SLC45A1: variants seen among roughly 807,000 people sequenced by gnomAD.
SLC45A1 encodes solute carrier family 45 member 1, also known as proton-associated sugar transporter A.
SLC45A1 carries 28 observed loss-of-function variants against 57.6 expected under a neutral mutation model. The observed-to-expected ratio is 0.49, with a 90% CI of 0.36 to 0.67. The LOEUF (loss-of-function observed/expected upper bound fraction) is 0.67. SLC45A1 is among the 30% of genes least tolerant of loss of function. SLC45A1 has a pLI of 0.00. For synonymous variants in SLC45A1, 459 were observed against 471.5 expected, an observed-to-expected ratio of 0.97 and a Z score of 0.34; for missense variants, 814 against 1,041.5, an observed-to-expected ratio of 0.78 and a Z score of 3.01.
At chr1:8,318,366 C>G (rs1376744894) in intron 1 of SLC45A1, among the ~76,000 whole-genome samples, 180 bp downstream of exon 1, 1 of 152,212 alleles carries the variant, frequency 6.6e-6, no homozygotes, top group Non-Finnish European at 1.5e-5. Context: ...CCCGTCTCGC[C>G]CCTCCGAGGG....
chr1:8,322,199 GTGGGTGGATGGA>G (rs1640042355), intron 1 of SLC45A1, among the ~76,000 whole-genome samples: 1 of 121,712 alleles, frequency 8.2e-6, no homozygotes, highest in Admixed American at 8.1e-5. Flanking sequence ...GGATGGATGA[GTGGGTGGATGGA>G]TGGGTGGATG....
chr1:8,341,879 C>T (rs976410564), intron 8 of SLC45A1, among the ~76,000 whole-genome samples: 14 of 151,900 alleles, frequency 9.2e-5, no homozygotes, highest in Non-Finnish European at 7.4e-5. Context: ...AAGATTGCAC[C>T]ACTGCACTCC....
In SLC45A1 at chr1:8,335,422, G is replaced by A; in HGVS notation, c.1444-15G>A. The stretch of plus-strand genomic sequence containing the variant: ...GGTGCGGGGCTCTGATGAGGGGTTT[G>A]TGGGCTCTTCCCAGGTGGCCAATAT... On this transcript the variant is annotated splice_polypyrimidine_tract_variant and intron_variant, in intron 5 of 8. Transcript: ENST00000471889. The surrounding 1 kb of genome is among the most constrained non-coding windows in gnomAD (Gnocchi z 4.1). 7 of 1,576,082 alleles carry A rather than the reference G, an allele frequency of 4.4e-6. No homozygotes were observed. Among genetic ancestry groups the A allele is most frequent in the Non-Finnish European group, 5.1e-6 (6 of 1,166,884 alleles).
rs754751877 is a variant in SLC45A1 at position 8,339,550 on chromosome 1, A to C, written c.1832A>C (p.Tyr611Ser). The change falls in exon 8 of 9, where the codon TAT becomes TCT. Residue 611 changes from tyrosine to serine, a missense_variant. Tyr to Ser is a moderately radical substitution (Grantham distance 144). Coordinates refer to ENST00000471889, the MANE Select transcript of SLC45A1 (RefSeq NM_001080397.3). ...GTCCGCACCCTCTACTTCATCGCCT[A>C]TCTCGCCTTCGGCCTGGGGACCGGG... ...LSVRTLYFIA[Y>S]LAFGLGTGLA... 1 of 1,614,114 alleles carries C rather than the reference A, an allele frequency of 6.2e-7. No homozygotes were observed. The highest frequency in any genetic ancestry group is 8.5e-7 in the Non-Finnish European group (1 of 1,180,020).
intron 1 of SLC45A1, among the ~76,000 whole-genome samples, chr1:8,322,582 T>G (rs1569926620): frequency 6.6e-6 from 1 of 151,744 alleles, no homozygotes; most frequent in African/African-American, 2.4e-5. Flanking sequence ...AAATCTGGAG[T>G]GAGGAATTTC....
In SLC45A1 at chr1:8,343,571, C is replaced by T. The variant is rs181184067; in HGVS notation, c.1981-176C>T. On this transcript the variant is annotated intron_variant, in intron 8 of 8. Coordinates refer to ENST00000471889, the MANE Select transcript of SLC45A1 (RefSeq NM_001080397.3). The surrounding 1 kb of genome is among the most constrained non-coding windows in gnomAD (Gnocchi z 7.7). ...ATTCTTTTCATTGTCGTCATCTCTC[C>T]GAACACAAATATTGTTAAACTCTTG... is the stretch of plus-strand genomic sequence containing the variant. Among the ~76,000 whole-genome samples the T allele has an allele frequency of 2.2e-4, 33 of 152,270 alleles. No individual in the cohort carries two copies. The highest frequency in any genetic ancestry group is 6.0e-4 in the African/African-American group (25 of 41,542).
chr1:8,323,527 G>T lies in SLC45A1; in HGVS notation c.-24-779G>T, dbSNP rs556158862. Among the ~76,000 whole-genome samples the T allele has an allele frequency of 2.4e-4, 37 of 151,880 alleles. 1 individual carries two copies. In the South Asian group the frequency reaches 6.3e-3, roughly 26 times the overall value. ...AAAAAAAAAAGTAAGTTGAAGCTGG[G>T]GGGTGGGGATCTGTTTCTCAGCTCT... On this transcript the variant is annotated intron_variant, in intron 1 of 8. Coordinates refer to ENST00000471889, the MANE Select transcript of SLC45A1 (RefSeq NM_001080397.3).
chr1:8,325,653 T>A lies in SLC45A1; in HGVS notation c.491-165T>A, dbSNP rs535025702. On this transcript the variant is annotated intron_variant, in intron 3 of 8. Coordinates refer to ENST00000471889, the MANE Select transcript of SLC45A1 (RefSeq NM_001080397.3). This position sits in a 1 kb window ranked among gnomAD's most constrained non-coding sequence, Gnocchi z 6.3. ...AATGAAATAAAAACCCCCATCCAAG[T>A]GCAAAATATATGGTGAGTTTGCAGG... 6.6e-6 allele frequency among the ~76,000 whole-genome samples: 1 copy of A among 152,292 alleles called. No homozygotes were observed. The highest frequency in any genetic ancestry group is 2.1e-4 in the South Asian group (1 of 4,830).
intron 5 of SLC45A1, among the ~76,000 whole-genome samples, chr1:8,332,665 C>T (rs1640452101): frequency 6.6e-6 from 1 of 152,028 alleles, no homozygotes; most frequent in Admixed American, 6.6e-5. Context: ...GCACCCACCA[C>T]CACGCCCGGC....
chr1:8,334,909 G>A (rs1640557850), intron 5 of SLC45A1, among the ~76,000 whole-genome samples: 1 of 152,124 alleles, frequency 6.6e-6, no homozygotes, highest in Admixed American at 6.6e-5. Flanking sequence ...TTGACCGTGG[G>A]GCGTGTCGTG....
chr1:8,330,391 C>T lies in SLC45A1; in HGVS notation c.898C>T (p.Arg300Trp), dbSNP rs1402959022. 1.4e-5 allele frequency: 23 copies of T among 1,612,524 alleles called. No individual in the cohort carries two copies. Among genetic ancestry groups the T allele is most frequent in the Middle Eastern group, 1.6e-4 (1 of 6,078 alleles). Residue 300 changes from arginine to tryptophan, a missense_variant, in exon 5 of 9, where the codon CGG becomes TGG. Transcript: ENST00000471889. The surrounding 1 kb of genome is among the most constrained non-coding windows in gnomAD (Gnocchi z 8.4). ...GCCGCTGCGGCCGCCGAGTGAGAAG[C>T]GGGCAGCCATGAAGAGCCCCAGCCT... ...ERPLRPPSEK[R>W]AAMKSPSLPL...
chr1:8,330,363 G>A lies in SLC45A1; in HGVS notation c.870G>A (p.Glu290=). The change falls in exon 5 of 9, where the codon GAG becomes GAA. Residue 290 remains glutamate (E), a synonymous_variant. Coordinates refer to ENST00000471889, the MANE Select transcript of SLC45A1 (RefSeq NM_001080397.3). This position sits in a 1 kb window ranked among gnomAD's most constrained non-coding sequence, Gnocchi z 8.4. ...TCCTGACCCTGGTCAGCATCCCTGA[G>A]AGGCCGCTGCGGCCGCCGAGTGAGA... is the stretch of plus-strand genomic sequence containing the variant. The part of the protein sequence containing the change: ...TTVLTLVSIP[E]RPLRPPSEKR... The A allele has an allele frequency of 1.2e-6, 2 of 1,613,230 alleles. No individual in the cohort carries two copies. Among genetic ancestry groups the A allele is most frequent in the African/African-American group, 1.3e-5 (1 of 75,016 alleles).
At chr1:8,319,397 A>G (rs779332863) in intron 1 of SLC45A1, among the ~76,000 whole-genome samples, 8 of 152,206 alleles carry the variant, frequency 5.3e-5, no homozygotes, top group Non-Finnish European at 1.2e-4. Flanking sequence ...CGCTCGTAGT[A>G]GGATCATTGT....
rs994418967 is a variant in SLC45A1, at chr1:8,337,725, A to C, written c.1598-91A>C. The C allele has an allele frequency of 1.0e-5, 13 of 1,251,772 alleles. No homozygotes were observed. The Admixed American group carries it at 1.5e-4, about 15-fold the overall frequency. The allele number at this position is 1,251,772 out of a possible 1,614,324, so 77.5% of individuals were successfully genotyped here. Reference sequence around the variant, plus strand: ...GAGCCACCACGCCCAGCTGCTCATTACTTTTATAACCAGTAGACGCATGTT... The same window carrying C: ...GAGCCACCACGCCCAGCTGCTCATTCCTTTTATAACCAGTAGACGCATGTT... On this transcript the variant is annotated intron_variant, in intron 6 of 8. Transcript: ENST00000471889.
intron 8 of SLC45A1, among the ~76,000 whole-genome samples, chr1:8,341,849 G>A (rs968866963): frequency 5.9e-5 from 9 of 152,014 alleles, no homozygotes; most frequent in Admixed American, 2.6e-4. Flanking sequence ...GAACCTGGGA[G>A]GCGGAGGTTG....
chr1:8,322,074 G>A, intron 1 of SLC45A1, among the ~76,000 whole-genome samples: 1 of 113,568 alleles, frequency 8.8e-6, no homozygotes, highest in Non-Finnish European at 1.8e-5. Context: ...TGGGTGGGTG[G>A]ATTGATAGGT....
In SLC45A1 at chr1:8,330,402, G is replaced by A; in HGVS notation, c.909G>A (p.Met303Ile). The A allele has an allele frequency of 6.2e-7, 1 of 1,612,644 alleles. No individual in the cohort carries two copies. Among genetic ancestry groups the A allele is most frequent in the East Asian group, 2.2e-5 (1 of 44,842 alleles). Reference sequence around the variant, plus strand: ...CGCCGAGTGAGAAGCGGGCAGCCATGAAGAGCCCCAGCCTCCCGCTGCCCC... The same window carrying A: ...CGCCGAGTGAGAAGCGGGCAGCCATAAAGAGCCCCAGCCTCCCGCTGCCCC... ...LRPPSEKRAA[M>I]KSPSLPLPPS... The change falls in exon 5 of 9, where the codon ATG becomes ATA. Residue 303 changes from methionine (M) to isoleucine (I), a missense_variant. Transcript: ENST00000471889. This position sits in a 1 kb window ranked among gnomAD's most constrained non-coding sequence, Gnocchi z 8.4.
At chr1:8,339,373 C>A in intron 7 of SLC45A1, 120 bp from the exon 8 acceptor site, 1 of 922,346 alleles carries the variant, frequency 1.1e-6, no homozygotes, top group Non-Finnish European at 1.7e-6. Context: ...GGGCAAGTGA[C>A]CTGCCAAGCC....
In SLC45A1 at chr1:8,330,708, C is replaced by T. The variant is rs748429750; in HGVS notation, c.1215C>T (p.Pro405=). 3.5e-5 allele frequency: 57 copies of T among 1,613,074 alleles called. No individual in the cohort carries two copies. The highest frequency in any genetic ancestry group is 8.0e-5 in the African/African-American group (6 of 74,954). Residue 405 remains proline, a synonymous_variant, in exon 5 of 9, where the codon CCC becomes CCT. Coordinates refer to ENST00000471889, the MANE Select transcript of SLC45A1 (RefSeq NM_001080397.3). This position sits in a 1 kb window ranked among gnomAD's most constrained non-coding sequence, Gnocchi z 8.4. ...GGCCGCCCATCAGCGTCAGCTTCCC[C>T]CGGGCCCCCGACGGCTTCTACCGCC... is the stretch of plus-strand genomic sequence containing the variant. ...VPRPPISVSF[P]RAPDGFYRQD... is the part of the protein sequence containing the mutation.
Sources: gnomAD v4.1 joint callset for allele counts (sites outside exome capture counted in the v4.1 genomes callset) on GRCh38, gnomAD v4.1.1 for gene constraint, Gnocchi (gnomAD v3.1) non-coding constraint, MANE v1.5 for transcripts, NCBI Gene and HGNC (gene_info 2026-07-23, HGNC 2026-07-21) for gene names.